TDRP: variants seen among roughly 807,000 people sequenced by gnomAD.
The protein encoded by TDRP is testis development-related protein.
A neutral mutation model predicts 10.5 loss-of-function variants in TDRP; 12 were observed. That is an observed-to-expected ratio of 1.15 (90% CI 0.73 to 1.86). The LOEUF (loss-of-function observed/expected upper bound fraction) is 1.86, where lower values mean the gene tolerates loss of function less well. TDRP is among the 40% of genes most tolerant of loss of function. TDRP has a pLI of 0.00. For synonymous variants in TDRP, 139 were observed against 95.4 expected (o/e 1.46, Z -2.67); for missense variants, 353 against 229.2 (o/e 1.54, Z -3.49).
intron 1 of TDRP, among the ~76,000 whole-genome samples, chr8:531,800 T>C (rs1051473850): frequency 1.3e-5 from 2 of 152,206 alleles, no homozygotes; most frequent in African/African-American, 4.8e-5. Context: ...GCCAAATATC[T>C]GGCAAAGAAT....
At chr8:543,332 T>G (rs764852371) in intron 1 of TDRP, among the ~76,000 whole-genome samples, 2 of 151,394 alleles carry the variant, frequency 1.3e-5, no homozygotes, top group African/African-American at 4.9e-5. Flanking sequence ...AATAAAAACT[T>G]AAGAAAAAAA....
chr8:529,096 C>G (rs1284932228), intron 1 of TDRP, among the ~76,000 whole-genome samples: 1 of 152,118 alleles, frequency 6.6e-6, no homozygotes, highest in Non-Finnish European at 1.5e-5. Flanking sequence ...GTGCCAGCAG[C>G]TGATGAGATG....
intron 1 of TDRP, among the ~76,000 whole-genome samples, chr8:514,284 C>T (rs531961036): frequency 4.6e-5 from 7 of 152,290 alleles, no homozygotes; most frequent in African/African-American, 1.2e-4. Context: ...AAGAACTAAG[C>T]GTCCAGAAAT....
chr8:513,291 C>T (rs921220257), intron 1 of TDRP, among the ~76,000 whole-genome samples: 1 of 151,764 alleles, frequency 6.6e-6, no homozygotes, highest in Non-Finnish European at 1.5e-5. Context: ...AATCCAAAAA[C>T]ATTAAAAAAT....
Position 498,359 on chromosome 8 carries a change from G to C in TDRP, c.109-3762C>G, listed in dbSNP as rs541359937. On this transcript the variant is annotated intron_variant, in intron 1 of 2. Coordinates refer to ENST00000324079, the MANE Select transcript of TDRP (RefSeq NM_001384899.1). ...CTGGATATGAGACATGGCATGTAAA[G>C]GGATTATTTTGGAACTTTAGGATTT... Among the ~76,000 whole-genome samples the C allele has an allele frequency of 3.9e-5, 6 of 152,300 alleles. No individual in the cohort carries two copies. In the South Asian group the frequency reaches 8.3e-4, roughly 21 times the overall value.
At chr8:521,602 T>C (rs1243501839) in intron 1 of TDRP, among the ~76,000 whole-genome samples, 2 of 152,246 alleles carry the variant, frequency 1.3e-5, no homozygotes, top group African/African-American at 4.8e-5. Flanking sequence ...TGTCCGTGTT[T>C]ATGCCAATAT....
rs372431205 is a variant in TDRP, at chr8:494,489, C to A, written c.212+5G>T. 6.2e-7 allele frequency: 1 copy of A among 1,613,212 alleles called. No individual in the cohort carries two copies. Among genetic ancestry groups the A allele is most frequent in the Non-Finnish European group, 8.5e-7 (1 of 1,179,210 alleles). On this transcript the variant is annotated splice_donor_5th_base_variant and intron_variant, in intron 2 of 2. Coordinates refer to ENST00000324079, the MANE Select transcript of TDRP (RefSeq NM_001384899.1). Reference sequence around the variant, plus strand: ...TGATCATTTTCTTACACAGTTATGACTTACCCTTTGGACTTGGGAGATTTA... The same window carrying A: ...TGATCATTTTCTTACACAGTTATGAATTACCCTTTGGACTTGGGAGATTTA...
At chr8:513,836 C>T (rs910488805) in intron 1 of TDRP, among the ~76,000 whole-genome samples, 5 of 152,126 alleles carry the variant, frequency 3.3e-5, no homozygotes, top group Admixed American at 1.3e-4. Flanking sequence ...AAATCAATTG[C>T]GTTCTTACAC....
At chr8:521,404 G>C (rs1483871257) in intron 1 of TDRP, among the ~76,000 whole-genome samples, 1 of 151,806 alleles carries the variant, frequency 6.6e-6, no homozygotes. Flanking sequence ...GCAAGAGAGA[G>C]AGATGCCGTC....
Position 524,878 on chromosome 8 carries a change from GAGAA to G in TDRP, c.108+19768_108+19771del, listed in dbSNP as rs1182519534. Among the ~76,000 whole-genome samples the G allele has an allele frequency of 2.0e-5, 3 of 152,276 alleles. No individual in the cohort carries two copies. The East Asian group carries it at 5.8e-4, about 29-fold the overall frequency. On this transcript the variant is annotated intron_variant, in intron 1 of 2. Transcript: ENST00000324079. ...CTTAAACAAGAAGTAGAGAACGAGA[GAGAA>G]GGGTAGAAAGTTTATTCAAAGGGAG...
intron 1 of TDRP, among the ~76,000 whole-genome samples, chr8:543,748 G>C (rs962045889): frequency 7.2e-5 from 11 of 152,156 alleles, no homozygotes; most frequent in African/African-American, 2.4e-4. Context: ...CTTCTGCTCA[G>C]AAACTATTTC....
intron 1 of TDRP, among the ~76,000 whole-genome samples, chr8:536,271 G>A (rs896138826): frequency 6.6e-6 from 1 of 152,212 alleles, no homozygotes; most frequent in African/African-American, 2.4e-5. Context: ...GCAAGTAGAA[G>A]AATCCACCAC....
At chr8:526,603 G>C (rs1292336852) in intron 1 of TDRP, among the ~76,000 whole-genome samples, 2 of 152,080 alleles carry the variant, frequency 1.3e-5, no homozygotes, top group Non-Finnish European at 2.9e-5. Context: ...AATTTGGTTT[G>C]CCAGTATTTA....
intron 2 of TDRP, 78 bp from the exon 3 acceptor site, chr8:492,822 A>G: frequency 1.7e-6 from 2 of 1,161,062 alleles, no homozygotes; most frequent in South Asian, 2.0e-5. Context: ...CAAACATAAA[A>G]TTCTTTAAAA....
rs1018095626 is a variant in TDRP at position 490,967 on chromosome 8, T to C, written c.*1432A>G. The C allele has an allele frequency of 3.3e-5, 5 of 152,040 alleles. No individual in the cohort carries two copies. The highest frequency in any genetic ancestry group is 1.2e-4 in the African/African-American group (5 of 41,358). 9.4% of individuals were successfully genotyped at this position (152,040 alleles called of 1,614,324 possible). ...TAGAGGACAGGTGAATAGATACGGA[T>C]GATTGATAGGTATAAGTGATTGACA... On this transcript the variant is annotated 3_prime_UTR_variant, in exon 3 of 3. Transcript: ENST00000324079.
chr8:502,655 GCACA>G (rs2116743080), intron 1 of TDRP, among the ~76,000 whole-genome samples: 1 of 151,746 alleles, frequency 6.6e-6, no homozygotes, highest in East Asian at 1.9e-4. Flanking sequence ...GCCCACCTCA[GCACA>G]CATCAACACG....
chr8:543,317 T>TA (rs1476365358), intron 1 of TDRP, among the ~76,000 whole-genome samples: 1 of 151,480 alleles, frequency 6.6e-6, no homozygotes, highest in Middle Eastern at 3.2e-3. Flanking sequence ...TGTCTCAAAA[T>TA]AAAAAATAAA....
At chr8:521,050 T>A (rs1801888901) in intron 1 of TDRP, among the ~76,000 whole-genome samples, 1 of 151,998 alleles carries the variant, frequency 6.6e-6, no homozygotes, top group Non-Finnish European at 1.5e-5. Context: ...TCTAGGAGTT[T>A]TATAATTTCT....
chr8:491,424 G>A lies in TDRP; in HGVS notation c.*975C>T, dbSNP rs1013809955. ...ATCACATTGTCAAGGACAGTAAGCA[G>A]ACAGAAAAAGAACGCGAGAGATGCT... On this transcript the variant is annotated 3_prime_UTR_variant, in exon 3 of 3. Transcript: ENST00000324079. 2 of 507,642 alleles carry A rather than the reference G, an allele frequency of 3.9e-6. No individual in the cohort carries two copies. The highest frequency in any genetic ancestry group is 6.6e-6 in the Non-Finnish European group (2 of 302,218). 31.4% of individuals were successfully genotyped at this position (507,642 alleles called of 1,614,324 possible).
Sources: allele counts gnomAD v4.1 joint callset (sites outside exome capture counted in the v4.1 genomes callset), GRCh38; gene constraint gnomAD v4.1.1; transcripts MANE v1.5; gene names NCBI Gene and HGNC (gene_info 2026-07-23, HGNC 2026-07-21).